PCDHA6: variants seen among roughly 807,000 people sequenced by gnomAD.
PCDHA6 encodes the protein protocadherin alpha-6.
In PCDHA6, 55 loss-of-function variants were observed where a neutral mutation model predicts 60.3. The ratio of observed to expected loss-of-function variants is 0.91; its 90% CI spans 0.73 to 1.14. The LOEUF (loss-of-function observed/expected upper bound fraction) is 1.14. PCDHA6 is among the 50% of genes most tolerant of loss of function. The pLI, the probability that PCDHA6 is intolerant of heterozygous loss-of-function variation, is 0.00. For synonymous variants in PCDHA6, 652 were observed against 557.9 expected (o/e 1.17, Z -2.38); for missense variants, 1,327 against 1,256.5 (o/e 1.06, Z -0.85).
intron 1 of PCDHA6, among the ~76,000 whole-genome samples, chr5:140,915,080 G>T (rs1279074888): frequency 6.6e-6 from 1 of 151,664 alleles, no homozygotes; most frequent in Non-Finnish European, 1.5e-5. Context: ...TGAGTAGCTG[G>T]GACTATGGGC....
In PCDHA6 at chr5:140,927,516, C is replaced by T. The variant is rs782661477; in HGVS notation, c.2395-51433C>T. 3.1e-6 allele frequency: 5 copies of T among 1,613,948 alleles called. No homozygotes were observed. The South Asian group carries it at 4.4e-5, about 14-fold the overall frequency. Reference sequence around the variant, plus strand: ...TGCTGGTGCTTACAGCTCGGGACGGCGGGCTACCTGCCCGCTCAGGAGACG... The same window carrying T: ...TGCTGGTGCTTACAGCTCGGGACGGTGGGCTACCTGCCCGCTCAGGAGACG... On this transcript the variant is annotated intron_variant, in intron 1 of 3. Transcript: ENST00000529310.
intron 3 of PCDHA6, among the ~76,000 whole-genome samples, chr5:141,008,970 G>A (rs147776833): frequency 6.6e-6 from 1 of 152,236 alleles, no homozygotes; most frequent in East Asian, 1.9e-4. Flanking sequence ...TACATTTATA[G>A]CCAAAGTTTA....
intron 1 of PCDHA6, 167 bp from the exon 2 acceptor site, chr5:140,978,782 A>T (rs782295456): frequency 3.1e-5 from 30 of 971,664 alleles, no homozygotes; most frequent in Non-Finnish European, 3.7e-5. Context: ...TTTTCTTCTA[A>T]AGTGCTATAT....
chr5:140,980,317 A>G (rs1435571559), intron 2 of PCDHA6, among the ~76,000 whole-genome samples: 1 of 152,194 alleles, frequency 6.6e-6, no homozygotes, highest in Non-Finnish European at 1.5e-5. Context: ...TAAAAACTAC[A>G]TTTGAAATAA....
At chr5:140,869,066 T>G (rs782722664) in intron 1 of PCDHA6, 1 of 1,567,422 alleles carries the variant, frequency 6.4e-7, no homozygotes, top group Non-Finnish European at 8.6e-7. Context: ...GTACTGTAAG[T>G]GTAAAGAAGC....
intron 1 of PCDHA6, among the ~76,000 whole-genome samples, chr5:140,886,622 C>T (rs1483241958): frequency 6.6e-6 from 1 of 151,430 alleles, no homozygotes; most frequent in Non-Finnish European, 1.5e-5. Context: ...GATCAGGAGT[C>T]CGAGACCAGC....
rs892987704 is a variant in PCDHA6, at chr5:140,988,405, C to A, written c.2542+5842C>A. Among the ~76,000 whole-genome samples, 31 of 152,248 alleles carry A rather than the reference C, an allele frequency of 2.0e-4. No individual in the cohort carries two copies. In the East Asian group the frequency reaches 5.6e-3, roughly 28 times the overall value. The stretch of plus-strand genomic sequence containing the variant: ...ATTGTGTTTGCCAGAGTTCTCTTCG[C>A]AGCTTATGTAAAGAATTTGTTTGTT... On this transcript the variant is annotated intron_variant, in intron 3 of 3. Transcript: ENST00000529310.
intron 1 of PCDHA6, among the ~76,000 whole-genome samples, chr5:140,838,389 G>A (rs1775711705): frequency 6.6e-6 from 1 of 150,780 alleles, no homozygotes; most frequent in Non-Finnish European, 1.5e-5. Flanking sequence ...CTCCCAATGT[G>A]CTGGGATTAC....
chr5:141,001,694 C>A (rs2098032582), intron 3 of PCDHA6, among the ~76,000 whole-genome samples: 1 of 151,662 alleles, frequency 6.6e-6, no homozygotes, highest in African/African-American at 2.4e-5. Flanking sequence ...CCACAGATGG[C>A]GAAATAGGGG....
At chr5:140,966,489 C>A in intron 1 of PCDHA6, 2 of 440,146 alleles carry the variant, frequency 4.5e-6, no homozygotes, top group Non-Finnish European at 7.9e-6. Flanking sequence ...TTCCCTCCCC[C>A]TGGAGCTGTA....
chr5:140,847,401 A>G (rs1780996739), intron 1 of PCDHA6: 1 of 149,750 alleles, frequency 6.7e-6, no homozygotes. Context: ...TAATGGCACA[A>G]TAAACACTCA....
chr5:140,952,101 A>G (rs1451958490), intron 1 of PCDHA6, among the ~76,000 whole-genome samples: 1 of 151,950 alleles, frequency 6.6e-6, no homozygotes, highest in African/African-American at 2.4e-5. Flanking sequence ...TCCAGGGCAC[A>G]CTCGTGTGAG....
At chr5:140,855,984 A>G in intron 1 of PCDHA6, 1 of 1,472,240 alleles carries the variant, frequency 6.8e-7, no homozygotes, top group East Asian at 2.3e-5. Flanking sequence ...AGGACAGAAA[A>G]TGTCAGATCG....
Position 140,829,684 on chromosome 5 carries a change from G to T in PCDHA6, c.1593G>T (p.Leu531=). ...QPLDHEELEL[L]QFQVSARDAG... ...TGGACCACGAGGAGCTAGAGCTGCT[G>T]CAGTTTCAGGTGAGCGCGCGCGACG... Residue 531 remains leucine, a synonymous_variant, in exon 1 of 4, where the codon CTG becomes CTT. Coordinates refer to ENST00000529310, the MANE Select transcript of PCDHA6 (RefSeq NM_018909.4). 6.2e-7 allele frequency: 1 copy of T among 1,613,278 alleles called. No homozygotes were observed. The highest frequency in any genetic ancestry group is 8.5e-7 in the Non-Finnish European group (1 of 1,179,868).
At chr5:140,964,107 G>A (rs1298844061) in intron 1 of PCDHA6, among the ~76,000 whole-genome samples, 1 of 152,090 alleles carries the variant, frequency 6.6e-6, no homozygotes, top group Non-Finnish European at 1.5e-5. Flanking sequence ...AACAGTCTGA[G>A]CAATCACATT....
chr5:140,849,954 A>G, intron 1 of PCDHA6: 1 of 1,597,790 alleles, frequency 6.3e-7, no homozygotes, highest in Non-Finnish European at 8.6e-7. Context: ...CGCGCAGGAG[A>G]ACGCCCTGGT....
chr5:140,853,497 T>C lies in PCDHA6; in HGVS notation c.2394+23012T>C, dbSNP rs1479086696. On this transcript the variant is annotated intron_variant, in intron 1 of 3. Coordinates refer to ENST00000529310, the MANE Select transcript of PCDHA6 (RefSeq NM_018909.4). Reference sequence around the variant, plus strand: ...TAACATTCCTCAATTCAAGTTAGAATCATGAAACAATAATGAAGCTCCTCC... The same window carrying C: ...TAACATTCCTCAATTCAAGTTAGAACCATGAAACAATAATGAAGCTCCTCC... The C allele has an allele frequency of 3.6e-5, 35 of 975,892 alleles. 4 individuals are homozygous for C. The highest frequency in any genetic ancestry group is 4.2e-5 in the Non-Finnish European group (34 of 808,754). The allele number at this position is 975,892 out of a possible 1,614,324, so 60.5% of individuals were successfully genotyped here.
chr5:140,973,390 AATC>A (rs1554235235), intron 1 of PCDHA6, among the ~76,000 whole-genome samples: 1 of 152,224 alleles, frequency 6.6e-6, no homozygotes, highest in East Asian at 1.9e-4. Context: ...TAGACAAAGA[AATC>A]ATATCTATGA....
At chr5:140,890,217 G>T (rs2153429721) in intron 1 of PCDHA6, among the ~76,000 whole-genome samples, 1 of 152,142 alleles carries the variant, frequency 6.6e-6, no homozygotes, top group South Asian at 2.1e-4. Context: ...TTTTCCCAGA[G>T]ACCTAGTTGT....
Sources: allele counts gnomAD v4.1 joint callset (sites outside exome capture counted in the v4.1 genomes callset), GRCh38; gene constraint gnomAD v4.1.1; transcripts MANE v1.5; gene names NCBI Gene and HGNC (gene_info 2026-07-23, HGNC 2026-07-21).